PDE3A: variants seen among roughly 807,000 people sequenced by gnomAD.
PDE3A encodes the protein phosphodiesterase 3A.
Under a neutral mutation model 98.3 loss-of-function variants are expected in PDE3A, and 43 were observed. That is an observed-to-expected ratio of 0.44 (90% CI 0.34 to 0.56). PDE3A has a LOEUF of 0.56. PDE3A is among the 20% of genes least tolerant of loss of function. The pLI, the probability that PDE3A is intolerant of heterozygous loss-of-function variation, is 0.01. For synonymous variants in PDE3A, 663 were observed against 567.9 expected (o/e 1.17, Z -2.38); for missense variants, 1,427 against 1,440.7 (o/e 0.99, Z 0.15).
In PDE3A at chr12:20,464,360, C is replaced by T. The variant is rs144353960; in HGVS notation, c.961-92300C>T. Among the ~76,000 whole-genome samples the T allele has an allele frequency of 3.3e-3, 495 of 152,254 alleles. 3 individuals carry two copies. The highest frequency in any genetic ancestry group is 0.011 in the African/African-American group (473 of 41,532). ...ATTTACTTAGAAAGCAATATATTCA[C>T]TTAACAAGGTTCACTGTCACTTAGT... On this transcript the variant is annotated intron_variant, in intron 1 of 15. Transcript: ENST00000359062.
At chr12:20,635,099 A>G in intron 8 of PDE3A, 43 bp downstream of exon 8, 1 of 1,538,610 alleles carries the variant, frequency 6.5e-7, no homozygotes, top group Non-Finnish European at 8.9e-7. Context: ...TTGAGAGATG[A>G]GCTTCTGTTA....
intron 1 of PDE3A, among the ~76,000 whole-genome samples, chr12:20,543,745 G>A (rs1172626549): frequency 6.6e-6 from 1 of 151,964 alleles, no homozygotes; most frequent in Admixed American, 6.6e-5. Flanking sequence ...GTTTCTCAAT[G>A]AATTAGATTG....
At chr12:20,423,069 A>T (rs535760573) in intron 1 of PDE3A, among the ~76,000 whole-genome samples, 2 of 152,292 alleles carry the variant, frequency 1.3e-5, no homozygotes, top group South Asian at 4.1e-4. Flanking sequence ...TATAGTACCA[A>T]ATTATAATCC....
intron 1 of PDE3A, among the ~76,000 whole-genome samples, chr12:20,430,722 A>G (rs1015640302): frequency 1.3e-5 from 2 of 152,300 alleles, no homozygotes; most frequent in African/African-American, 2.4e-5. Flanking sequence ...TGGTGTGTAT[A>G]GAAGCATTGG....
At chr12:20,579,322 G>C (rs773949173) in intron 2 of PDE3A, among the ~76,000 whole-genome samples, 2 of 152,108 alleles carry the variant, frequency 1.3e-5, no homozygotes, top group Admixed American at 6.5e-5. Flanking sequence ...TTTTAGCTCA[G>C]TGCCCTTCCC....
chr12:20,398,364 T>C (rs966283395), intron 1 of PDE3A, among the ~76,000 whole-genome samples: 2 of 151,862 alleles, frequency 1.3e-5, no homozygotes, highest in Non-Finnish European at 2.9e-5. Context: ...TCTCAATTTA[T>C]ATATATCAGA....
At chr12:20,486,744 A>G (rs1247064355) in intron 1 of PDE3A, among the ~76,000 whole-genome samples, 1 of 152,062 alleles carries the variant, frequency 6.6e-6, no homozygotes. Context: ...AGCAATTCTC[A>G]TGCGTCAGCC....
intron 1 of PDE3A, among the ~76,000 whole-genome samples, chr12:20,471,565 A>G (rs925203192): frequency 6.6e-6 from 1 of 152,098 alleles, no homozygotes; most frequent in Admixed American, 6.6e-5. Context: ...TGCCATTGCT[A>G]TTATTTTCTG....
intron 2 of PDE3A, among the ~76,000 whole-genome samples, chr12:20,598,618 G>T (rs906391497): frequency 8.5e-5 from 13 of 152,144 alleles, no homozygotes; most frequent in Admixed American, 6.5e-4. Flanking sequence ...TTCTTAGTTG[G>T]TCAGACACAA....
chr12:20,426,586 G>A (rs913126685), intron 1 of PDE3A, among the ~76,000 whole-genome samples: 3 of 152,272 alleles, frequency 2.0e-5, no homozygotes, highest in East Asian at 1.9e-4. Flanking sequence ...AAGTGGGACT[G>A]TATAGTGTAG....
rs780734061 is a variant in PDE3A at position 20,658,077 on chromosome 12, G to A, written c.3184+3872G>A. ...ACAGAATTTGATTTATAACAAAAAC[G>A]AAGTAGAAATAGACAAGTAGAGATA... On this transcript the variant is annotated intron_variant, in intron 15 of 15. Coordinates refer to ENST00000359062, the MANE Select transcript of PDE3A (RefSeq NM_000921.5). 2.6e-4 allele frequency among the ~76,000 whole-genome samples: 39 copies of A among 152,234 alleles called. No homozygotes were observed. In the East Asian group the frequency reaches 3.1e-3, roughly 12 times the overall value.
chr12:20,462,377 G>T (rs1409305738), intron 1 of PDE3A, among the ~76,000 whole-genome samples: 2 of 152,118 alleles, frequency 1.3e-5, no homozygotes, highest in African/African-American at 4.8e-5. Context: ...TCTAGTCCCA[G>T]CTACTCAGAA....
chr12:20,478,738 A>G (rs1232139371), intron 1 of PDE3A, among the ~76,000 whole-genome samples: 2 of 152,224 alleles, frequency 1.3e-5, no homozygotes, highest in Non-Finnish European at 2.9e-5. Context: ...TTAATATTAC[A>G]AAATCCTTAT....
intron 1 of PDE3A, among the ~76,000 whole-genome samples, chr12:20,492,058 G>T (rs999156965): frequency 6.6e-6 from 1 of 151,946 alleles, no homozygotes; most frequent in Non-Finnish European, 1.5e-5. Flanking sequence ...TCAGCTCACT[G>T]CAACCTCCAT....
At chr12:20,387,365 A>C (rs982290862) in intron 1 of PDE3A, among the ~76,000 whole-genome samples, 2 of 152,100 alleles carry the variant, frequency 1.3e-5, no homozygotes, top group Admixed American at 1.3e-4. Context: ...TACTTTGGGC[A>C]GTATGGCCAG....
intron 2 of PDE3A, among the ~76,000 whole-genome samples, chr12:20,601,007 A>T (rs1943578703): frequency 6.6e-6 from 1 of 152,172 alleles, no homozygotes; most frequent in African/African-American, 2.4e-5. Context: ...CATATTATTG[A>T]GTGCCCACAA....
intron 2 of PDE3A, 83 bp from the exon 3 acceptor site, chr12:20,613,360 T>A: frequency 8.0e-7 from 1 of 1,244,818 alleles, no homozygotes; most frequent in South Asian, 1.3e-5. Context: ...AATTCATTTC[T>A]TAGTGAAAAA....
chr12:20,523,839 G>T (rs1328552876), intron 1 of PDE3A, among the ~76,000 whole-genome samples: 1 of 152,130 alleles, frequency 6.6e-6, no homozygotes, highest in Non-Finnish European at 1.5e-5. Context: ...TCGTAGAAAA[G>T]TTCTTTGCTT....
At chr12:20,483,057 TA>T (rs909694516) in intron 1 of PDE3A, among the ~76,000 whole-genome samples, 3 of 152,158 alleles carry the variant, frequency 2.0e-5, no homozygotes, top group African/African-American at 7.2e-5. Context: ...ACAACATTAC[TA>T]AGGAGATTTG....
Sources: gnomAD v4.1 joint callset for allele counts (sites outside exome capture counted in the v4.1 genomes callset) on GRCh38, gnomAD v4.1.1 for gene constraint, MANE v1.5 for transcripts, NCBI Gene and HGNC (gene_info 2026-07-23, HGNC 2026-07-21) for gene names.